The following PIGU variants were observed in gnomAD, a reference collection of about 807,000 sequenced individuals.
PIGU encodes phosphatidylinositol glycan anchor biosynthesis class U, also known as GPI-anchor transamidase component PIGU.
Under a neutral mutation model 49.9 loss-of-function variants are expected in PIGU, and 24 were observed. The observed-to-expected ratio is 0.48, with a 90% confidence interval of 0.35 to 0.68. The LOEUF (loss-of-function observed/expected upper bound fraction) is 0.68. Ranked by LOEUF, PIGU falls within the 30% of genes least tolerant of loss-of-function variation. The pLI is 0.01. For missense variants in PIGU, 490 were observed against 532.6 expected (o/e 0.92, Z 0.79); for synonymous variants, 220 against 205.7 (o/e 1.07, Z -0.59).
chr20:34,582,979 A>G (rs1983546691), intron 9 of PIGU, among the ~76,000 whole-genome samples: 1 of 152,184 alleles, frequency 6.6e-6, no homozygotes, highest in Non-Finnish European at 1.5e-5. Flanking sequence ...CCACATGCAC[A>G]TGGCCTACTT....
chr20:34,591,899 C>T (rs889665237), intron 7 of PIGU, among the ~76,000 whole-genome samples: 4 of 152,088 alleles, frequency 2.6e-5, no homozygotes, highest in African/African-American at 9.7e-5. Context: ...TAGAAATTTA[C>T]TTTGGTAGGC....
intron 8 of PIGU, 131 bp downstream of exon 8, chr20:34,588,322 T>A (rs1027450322): frequency 2.4e-6 from 2 of 825,642 alleles, no homozygotes; most frequent in Non-Finnish European, 3.5e-6. Flanking sequence ...GGTAATTCTA[T>A]TTTTAGTTGT....
chr20:34,609,640 C>T (rs182500514), intron 7 of PIGU, among the ~76,000 whole-genome samples: 1 of 152,282 alleles, frequency 6.6e-6, no homozygotes, highest in East Asian at 1.9e-4. Context: ...GCTGGGATTA[C>T]AGACATGAGC....
At chr20:34,670,921 A>G (rs1987287607) in intron 1 of PIGU, among the ~76,000 whole-genome samples, 1 of 152,214 alleles carries the variant, frequency 6.6e-6, no homozygotes. Context: ...TGAACTCAAA[A>G]AGCTAAGCCT....
chr20:34,677,040 G>T lies in PIGU; in HGVS notation c.46C>A (p.Arg16=). 1 of 1,577,342 alleles carries T rather than the reference G, an allele frequency of 6.3e-7. No homozygotes were observed. The highest frequency in any genetic ancestry group is 8.6e-7 in the Non-Finnish European group (1 of 1,161,974). The change falls in exon 1 of 12, where the codon CGG becomes AGG. Residue 16 remains arginine, a synonymous_variant. Coordinates refer to ENST00000217446, the MANE Select transcript of PIGU (RefSeq NM_080476.5). ...AGACTGGAGCGGAACAAGGCCGCCC[G>T]CACTGTCACAGCCACCACCAGCACC... ...VLVLVVAVTV[R]AALFRSSLAE...
In PIGU at chr20:34,632,555, T is replaced by C. The variant is rs1278010563; in HGVS notation, c.529+2060A>G. Among the ~76,000 whole-genome samples, 4 of 151,984 alleles carry C rather than the reference T, an allele frequency of 2.6e-5. No individual in the cohort carries two copies. In the East Asian group the frequency reaches 7.8e-4, roughly 30 times the overall value. ...GCTAATTTTTTGTTTTTAGTAGAGATGGGGTTTCACCATCTTGACCAGGCT... is the reference window on the plus strand; with the variant it reads ...GCTAATTTTTTGTTTTTAGTAGAGACGGGGTTTCACCATCTTGACCAGGCT... On this transcript the variant is annotated intron_variant, in intron 6 of 11. Transcript: ENST00000217446.
At chr20:34,649,628 A>G (rs1043349153) in intron 2 of PIGU, among the ~76,000 whole-genome samples, 3 of 144,290 alleles carry the variant, frequency 2.1e-5, no homozygotes, top group African/African-American at 7.7e-5. Flanking sequence ...TCAAGTGCCC[A>G]GGTTCAAGCG....
rs779153163 is a variant in PIGU, at chr20:34,657,227, G to A, written c.148C>T (p.Leu50=). ...SWKRVVEGLS[L]LDLGVSPYSG... The stretch of plus-strand genomic sequence containing the variant: ...TACGGAGATACTCCCAAGTCCAACA[G>A]TGAAAGGCCTTCAACCACTGAAAAA... Residue 50 remains leucine (L), a synonymous_variant, in exon 2 of 12, where the codon CTG becomes TTG. Transcript: ENST00000217446. 30 of 1,612,774 alleles carry A rather than the reference G, an allele frequency of 1.9e-5. No individual in the cohort carries two copies. In the African/African-American group the frequency reaches 3.6e-4, roughly 19 times the overall value.
At chr20:34,648,654 C>T (rs992961809) in intron 2 of PIGU, among the ~76,000 whole-genome samples, 9 of 151,712 alleles carry the variant, frequency 5.9e-5, no homozygotes, top group African/African-American at 1.9e-4. Flanking sequence ...ACTCAGGTGA[C>T]CCCCCTACCT....
chr20:34,659,140 CTG>C (rs1473857792), intron 1 of PIGU, among the ~76,000 whole-genome samples: 28 of 139,024 alleles, frequency 2.0e-4, no homozygotes, highest in African/African-American at 6.7e-4. Flanking sequence ...CTCTGCCCGG[CTG>C]CCCCTACTGG....
At chr20:34,590,577 G>GTAACGTAACATAACATAACA (rs1422731264) in intron 7 of PIGU, among the ~76,000 whole-genome samples, 11 of 140,638 alleles carry the variant, frequency 7.8e-5, no homozygotes, top group African/African-American at 2.7e-4. Flanking sequence ...ATAGCGTAAC[G>GTAACGTAACATAACATAACA]TAACATAACA....
intron 6 of PIGU, among the ~76,000 whole-genome samples, chr20:34,621,988 C>T (rs1194930033): frequency 6.6e-6 from 1 of 151,946 alleles, no homozygotes; most frequent in Non-Finnish European, 1.5e-5. Context: ...GGTTGGAGGG[C>T]AAGAGAGAAT....
chr20:34,645,456 C>A, intron 2 of PIGU, 122 bp from the exon 3 acceptor site: 3 of 1,265,698 alleles, frequency 2.4e-6, no homozygotes, highest in Non-Finnish European at 3.1e-6. Context: ...TATTCTCCTT[C>A]CTGGAATACT....
chr20:34,612,567 C>CAAAT (rs1286633420), intron 7 of PIGU, among the ~76,000 whole-genome samples: 3 of 150,910 alleles, frequency 2.0e-5, no homozygotes, highest in East Asian at 1.9e-4. Flanking sequence ...TCAGCAAAAA[C>CAAAT]AAATAAATAA....
intron 7 of PIGU, among the ~76,000 whole-genome samples, chr20:34,609,769 T>C (rs1247986087): frequency 3.9e-5 from 6 of 152,188 alleles, no homozygotes; most frequent in African/African-American, 1.4e-4. Context: ...AATTTGGCTG[T>C]GTCCCCATTC....
At chr20:34,577,715 C>G (rs1028052418) in intron 10 of PIGU, among the ~76,000 whole-genome samples, 2 of 152,010 alleles carry the variant, frequency 1.3e-5, no homozygotes, top group African/African-American at 4.8e-5. Context: ...GACTCTGTCT[C>G]AAAACAAACA....
At chr20:34,659,598 G>A (rs1310258489) in intron 1 of PIGU, among the ~76,000 whole-genome samples, 1 of 152,206 alleles carries the variant, frequency 6.6e-6, no homozygotes, top group Non-Finnish European at 1.5e-5. Context: ...TGGCGGTTTT[G>A]TGGAATAGAA....
In PIGU at chr20:34,655,754, C is replaced by A. The variant is rs1296995608; in HGVS notation, c.195+1426G>T. Among the ~76,000 whole-genome samples, 2 of 120,872 alleles carry A rather than the reference C, an allele frequency of 1.7e-5. 1 individual carries two copies. The highest frequency in any genetic ancestry group is 3.5e-5 in the Non-Finnish European group (2 of 56,608). The allele number at this position is 120,872 out of a possible 152,430, so 79.3% of individuals were successfully genotyped here. A position where few individuals can be genotyped will look rare whatever the true frequency, so the allele number is the denominator to read the frequency against. On this transcript the variant is annotated intron_variant, in intron 2 of 11. Transcript: ENST00000217446. ...AGGAGGGTCTTCAGGGCTTTGTATG[C>A]CCCTCTAAGGTATCTGGATTTTATC...
intron 2 of PIGU, 85 bp from the exon 3 acceptor site, chr20:34,645,419 T>C: frequency 1.4e-6 from 2 of 1,419,128 alleles, no homozygotes; most frequent in South Asian, 1.6e-5. Flanking sequence ...GGGAGAAAAC[T>C]ATTATGTCAG....
Sources: gnomAD v4.1 joint callset for allele counts (sites outside exome capture counted in the v4.1 genomes callset) on GRCh38, gnomAD v4.1.1 for gene constraint, MANE v1.5 for transcripts, NCBI Gene and HGNC (gene_info 2026-07-23, HGNC 2026-07-21) for gene names.